PLPPR1: variants seen among roughly 807,000 people sequenced by gnomAD.
The protein encoded by PLPPR1 is phospholipid phosphatase-related protein type 1.
A neutral mutation model predicts 33.1 loss-of-function variants in PLPPR1; 10 were observed. That is an observed-to-expected ratio of 0.30 (90% CI 0.19 to 0.51). The LOEUF (loss-of-function observed/expected upper bound fraction) is 0.51, where lower values mean the gene tolerates loss of function less well. Among genes scored for constraint, PLPPR1 ranks in the 20% least tolerant of loss-of-function variants. The pLI, the probability that PLPPR1 is intolerant of heterozygous loss-of-function variation, is 0.97. For synonymous variants in PLPPR1, 151 were observed against 151.0 expected (o/e 1.00, Z 0.00); for missense variants, 304 against 408.1 (o/e 0.74, Z 2.20).
intron 1 of PLPPR1, among the ~76,000 whole-genome samples, chr9:101,137,696 A>G (rs995236824): frequency 6.6e-6 from 1 of 152,218 alleles, no homozygotes; most frequent in Non-Finnish European, 1.5e-5. Context: ...TACAGCTTCT[A>G]GTATGTGGTA....
chr9:101,285,164 C>A (rs1828370902), intron 3 of PLPPR1, among the ~76,000 whole-genome samples: 1 of 152,072 alleles, frequency 6.6e-6, no homozygotes, highest in Non-Finnish European at 1.5e-5. Flanking sequence ...TTTTACTTTT[C>A]CTTGATGAGT....
intron 1 of PLPPR1, among the ~76,000 whole-genome samples, chr9:101,140,342 G>C (rs1243835599): frequency 6.6e-6 from 1 of 152,174 alleles, no homozygotes; most frequent in African/African-American, 2.4e-5. Flanking sequence ...GGTCTACTGT[G>C]TACTAGACTC....
intron 2 of PLPPR1, among the ~76,000 whole-genome samples, chr9:101,255,881 A>T (rs1448771826): frequency 6.6e-6 from 1 of 152,200 alleles, no homozygotes; most frequent in Admixed American, 6.5e-5. Context: ...AAGGGTCTGA[A>T]CTTCACGAGC....
At chr9:101,265,635 T>TCATGCC (rs1458139921) in intron 2 of PLPPR1, among the ~76,000 whole-genome samples, 3 of 152,206 alleles carry the variant, frequency 2.0e-5, no homozygotes, top group Non-Finnish European at 4.4e-5. Flanking sequence ...ATCTCTCTGC[T>TCATGCC]CATGGAGACA....
At chr9:101,259,618 A>G (rs1205681024) in intron 2 of PLPPR1, among the ~76,000 whole-genome samples, 1 of 152,178 alleles carries the variant, frequency 6.6e-6, no homozygotes, top group Non-Finnish European at 1.5e-5. Flanking sequence ...TCCAAGGTTA[A>G]AGAGACATGC....
chr9:101,138,659 C>G (rs2118627095), intron 1 of PLPPR1, among the ~76,000 whole-genome samples: 1 of 152,326 alleles, frequency 6.6e-6, no homozygotes, highest in South Asian at 2.1e-4. Context: ...TGTTGAGTTA[C>G]TTCACTCATT....
chr9:101,042,246 T>A (rs1404365850), intron 1 of PLPPR1, among the ~76,000 whole-genome samples: 1 of 152,212 alleles, frequency 6.6e-6, no homozygotes, highest in Non-Finnish European at 1.5e-5. Context: ...TAAGCCTTCA[T>A]CCAAGAGTGA....
intron 1 of PLPPR1, among the ~76,000 whole-genome samples, chr9:101,128,550 A>G (rs905886854): frequency 6.6e-6 from 1 of 152,190 alleles, no homozygotes; most frequent in African/African-American, 2.4e-5. Context: ...GCAAATAGAT[A>G]CTGTGTTTGG....
intron 1 of PLPPR1, among the ~76,000 whole-genome samples, chr9:101,152,899 T>C (rs946695111): frequency 5.2e-4 from 79 of 152,224 alleles, no homozygotes; most frequent in African/African-American, 1.8e-3. Flanking sequence ...TTTGGTTCCA[T>C]GTGAACTTTA....
rs1564015011 is a variant in PLPPR1 at position 101,246,085 on chromosome 9, T to TAG, written c.64-23794_64-23793insGA. ...ATATATATATATATATATATATATA[T>TAG]ATATATATATATATATATATATATA... is the stretch of plus-strand genomic sequence containing the variant. On this transcript the variant is annotated intron_variant, in intron 2 of 7. Transcript: ENST00000374874. Among the ~76,000 whole-genome samples, 243 of 105,742 alleles carry TAG rather than the reference T, an allele frequency of 2.3e-3. 1 individual carries two copies. The highest frequency in any genetic ancestry group is 8.3e-3 in the African/African-American group (208 of 25,024). The allele number at this position is 105,742 out of a possible 152,430, so 69.4% of individuals were successfully genotyped here.
chr9:101,176,480 G>C (rs1189701703), intron 1 of PLPPR1, among the ~76,000 whole-genome samples: 1 of 152,188 alleles, frequency 6.6e-6, no homozygotes, highest in Non-Finnish European at 1.5e-5. Context: ...CTAATGTGAA[G>C]TTAGAAATTT....
At chr9:101,201,284 C>T (rs1033722165) in intron 2 of PLPPR1, among the ~76,000 whole-genome samples, 1 of 152,190 alleles carries the variant, frequency 6.6e-6, no homozygotes, top group African/African-American at 2.4e-5. Context: ...AGTTTCAACA[C>T]CTGAACTTTG....
At position 101,093,339 on chromosome 9, in the gene PLPPR1, C is replaced by G. The variant is rs117559497; in HGVS notation, c.-46+64237C>G. On this transcript the variant is annotated intron_variant, in intron 1 of 7. Transcript: ENST00000374874. Reference sequence around the variant, plus strand: ...ACCAAGCCCATGTAGAAAATATGAACGATAAAGTAATCACTGGGGAATCTT... The same window carrying G: ...ACCAAGCCCATGTAGAAAATATGAAGGATAAAGTAATCACTGGGGAATCTT... Among the ~76,000 whole-genome samples the G allele has an allele frequency of 2.1e-4, 32 of 152,166 alleles. No individual in the cohort carries two copies. In the East Asian group the frequency reaches 6.2e-3, roughly 29 times the overall value.
intron 1 of PLPPR1, among the ~76,000 whole-genome samples, chr9:101,184,071 G>A (rs1826164302): frequency 6.6e-6 from 1 of 151,508 alleles, no homozygotes; most frequent in Non-Finnish European, 1.5e-5. Flanking sequence ...TTAAAATGAT[G>A]GTTATCCAAT....
intron 1 of PLPPR1, among the ~76,000 whole-genome samples, chr9:101,121,482 G>A (rs1471553063): frequency 6.6e-6 from 1 of 152,118 alleles, no homozygotes; most frequent in African/African-American, 2.4e-5. Context: ...AGAAATAAAG[G>A]CTATGCTGAC....
At chr9:101,290,814 C>T (rs1828484361) in intron 4 of PLPPR1, among the ~76,000 whole-genome samples, 2 of 152,184 alleles carry the variant, frequency 1.3e-5, no homozygotes, top group South Asian at 4.1e-4. Flanking sequence ...GCCAAGATGG[C>T]CGAATAGGAA....
At chr9:101,078,435 T>A (rs1254890418) in intron 1 of PLPPR1, among the ~76,000 whole-genome samples, 1 of 152,122 alleles carries the variant, frequency 6.6e-6, no homozygotes, top group Non-Finnish European at 1.5e-5. Context: ...TCCTTGAGAA[T>A]CTCTAGTTAA....
chr9:101,274,285 A>C (rs1828149970), intron 3 of PLPPR1, among the ~76,000 whole-genome samples: 1 of 152,248 alleles, frequency 6.6e-6, no homozygotes, highest in Admixed American at 6.5e-5. Context: ...TCCTCAGAAC[A>C]GCCAAAGAAC....
intron 1 of PLPPR1, among the ~76,000 whole-genome samples, chr9:101,030,333 TGG>T: frequency 6.6e-6 from 1 of 150,842 alleles, no homozygotes. Flanking sequence ...AGAGGTTGAC[TGG>T]AGGGGACGTA....
Sources: allele counts gnomAD v4.1 joint callset (sites outside exome capture counted in the v4.1 genomes callset), GRCh38; gene constraint gnomAD v4.1.1; transcripts MANE v1.5; gene names NCBI Gene and HGNC (gene_info 2026-07-23, HGNC 2026-07-21).